Variants in ABL1 observed in about 807,000 individuals in gnomAD.
The protein encoded by ABL1 is ABL proto-oncogene 1, non-receptor tyrosine kinase, also known as tyrosine-protein kinase ABL1.
ABL1 carries 11 observed loss-of-function variants against 94.7 expected under a neutral mutation model. The ratio of observed to expected loss-of-function variants is 0.12; its 90% CI spans 0.07 to 0.19. The LOEUF is 0.19. Ranked by LOEUF, ABL1 falls within the 10% of genes least tolerant of loss-of-function variation. ABL1 has a pLI of 1.00. For missense variants in ABL1, 1,082 were observed against 1,489.4 expected (o/e 0.73, Z 4.50); for synonymous variants, 656 against 622.4 (o/e 1.05, Z -0.80).
chr9:130,758,315 C>A (rs973339354), intron 1 of ABL1, among the ~76,000 whole-genome samples: 3 of 151,894 alleles, frequency 2.0e-5, no homozygotes, highest in Admixed American at 1.3e-4. Context: ...CGTGTACTAC[C>A]ACGTCTGGCT....
rs1174120272 is a variant in ABL1 at position 130,863,529 on chromosome 9, C to T, written c.822+494C>T. Among the ~76,000 whole-genome samples, 2 of 152,230 alleles carry T rather than the reference C, an allele frequency of 1.3e-5. No homozygotes were observed. The highest frequency in any genetic ancestry group is 2.9e-5 in the Non-Finnish European group (2 of 68,046). ...TTCCAATTCTGCAGCTGCCCAGACTCCTGCAGGCAGAGGTGGAAGTGTCCC... is the reference window on the plus strand; with the variant it reads ...TTCCAATTCTGCAGCTGCCCAGACTTCTGCAGGCAGAGGTGGAAGTGTCCC... On this transcript the variant is annotated intron_variant, in intron 4 of 10. Transcript: ENST00000318560. This position sits in a 1 kb window ranked among gnomAD's most constrained non-coding sequence, Gnocchi z 4.3.
chr9:130,764,739 C>T (rs761219393), intron 1 of ABL1, among the ~76,000 whole-genome samples: 50 of 152,028 alleles, frequency 3.3e-4, no homozygotes, highest in Non-Finnish European at 5.9e-4. Flanking sequence ...AGGTGGATCA[C>T]GAGGTCAGGA....
intron 1 of ABL1, among the ~76,000 whole-genome samples, chr9:130,764,629 A>T (rs1381428219): frequency 6.6e-6 from 1 of 152,140 alleles, no homozygotes; most frequent in African/African-American, 2.4e-5. Context: ...GGTCCCTGAC[A>T]CCTTGGGCTT....
At chr9:130,734,565 A>G (rs538833850) in intron 1 of ABL1, among the ~76,000 whole-genome samples, 2 of 143,146 alleles carry the variant, frequency 1.4e-5, no homozygotes, top group Non-Finnish European at 3.0e-5. Context: ...TCCGTCACCC[A>G]GGCTGGAGTG....
chr9:130,851,766 C>CTTTTTTTTTTT (rs149948786), intron 1 of ABL1, among the ~76,000 whole-genome samples: 4 of 122,800 alleles, frequency 3.3e-5, no homozygotes, highest in Non-Finnish European at 3.4e-5. Context: ...CTCTCTTTTT[C>CTTTTTTTTTTT]TTTTTTTTTT....
At chr9:130,805,614 A>G (rs1173712334) in intron 1 of ABL1, among the ~76,000 whole-genome samples, 2 of 152,234 alleles carry the variant, frequency 1.3e-5, no homozygotes, top group East Asian at 3.9e-4. Flanking sequence ...AGTTGGCTTC[A>G]GAGAGATAGG....
In ABL1 at chr9:130,872,671, A is replaced by G. The variant is rs1831273631; in HGVS notation, c.908-189A>G. On this transcript the variant is annotated intron_variant, in intron 5 of 10. Coordinates refer to ENST00000318560, the MANE Select transcript of ABL1 (RefSeq NM_005157.6). The surrounding 1 kb of genome is among the most constrained non-coding windows in gnomAD (Gnocchi z 5.0). ...TCAAGTTCACTGGCTTGAGAAGAAG[A>G]AAAGAGCCTGGCCATGTCCCTCCCA... Among the ~76,000 whole-genome samples the G allele has an allele frequency of 6.6e-6, 1 of 152,198 alleles. No individual in the cohort carries two copies. The highest frequency in any genetic ancestry group is 2.1e-4 in the South Asian group (1 of 4,830).
Position 130,884,605 on chromosome 9 carries a change from C to T in ABL1, c.2315C>T (p.Ser772Phe). 1 of 1,613,360 alleles carries T rather than the reference C, an allele frequency of 6.2e-7. No individual in the cohort carries two copies. The highest frequency in any genetic ancestry group is 8.5e-7 in the Non-Finnish European group (1 of 1,180,008). Residue 772 changes from serine to phenylalanine, a missense_variant, in exon 11 of 11, where the codon TCT becomes TTT. Coordinates refer to ENST00000318560, the MANE Select transcript of ABL1 (RefSeq NM_005157.6). This position sits in a 1 kb window ranked among gnomAD's most constrained non-coding sequence, Gnocchi z 5.6. ...LPRKRAGENR[S>F]DQVTRGTVTP... is the part of the protein sequence containing the mutation. ...CGGAAGAGGGCAGGGGAGAACAGGT[C>T]TGACCAGGTGACCCGAGGCACAGTA...
chr9:130,760,285 A>C (rs548176922), intron 1 of ABL1, among the ~76,000 whole-genome samples: 1 of 152,108 alleles, frequency 6.6e-6, no homozygotes, highest in Non-Finnish European at 1.5e-5. Flanking sequence ...TCAGTCCTTT[A>C]GTGTAGGACT....
rs536169158 is a variant in ABL1, at chr9:130,885,101, G to A, written c.2811G>A (p.Leu937=). The change falls in exon 11 of 11, where the codon CTG becomes CTA. Residue 937 remains leucine (L), a synonymous_variant. Coordinates refer to ENST00000318560, the MANE Select transcript of ABL1 (RefSeq NM_005157.6). The part of the protein sequence containing the change: ...VLGAKTKATS[L]VDAVNSDAAK... ...GCGCAAAGACAAAAGCCACGAGTCT[G>A]GTTGATGCTGTGAACAGTGACGCTG... The A allele has an allele frequency of 3.1e-6, 5 of 1,611,528 alleles. No homozygotes were observed. Among genetic ancestry groups the A allele is most frequent in the Middle Eastern group, 1.7e-4 (1 of 6,056 alleles).
At chr9:130,830,885 G>A (rs559163986), upstream of ABL1, among the ~76,000 whole-genome samples, 1 of 152,124 alleles carries the variant, frequency 6.6e-6, no homozygotes, top group Non-Finnish European at 1.5e-5. Flanking sequence ...GAGACTCAGC[G>A]CTAGCCTTTG....
chr9:130,867,217 C>A (rs891365133), intron 4 of ABL1, among the ~76,000 whole-genome samples: 2 of 152,144 alleles, frequency 1.3e-5, no homozygotes, highest in African/African-American at 4.8e-5. Context: ...TTCCTGAGTC[C>A]GCATATGTGA....
chr9:130,742,478 C>T (rs1442249387), intron 1 of ABL1, among the ~76,000 whole-genome samples: 1 of 152,180 alleles, frequency 6.6e-6, no homozygotes, highest in Admixed American at 6.6e-5. Context: ...AATAACCCAT[C>T]TTAGCTAGAC....
exon 1 of ABL1, chr9:130,714,399 G>A (rs766734270): frequency 3.7e-6 from 6 of 1,614,126 alleles, no homozygotes; most frequent in Non-Finnish European, 5.1e-6. Context: ...AAAGGAGCAG[G>A]GAAGAAGGAA....
At chr9:130,849,639 T>A (rs772322647) in intron 1 of ABL1, among the ~76,000 whole-genome samples, 10 of 152,120 alleles carry the variant, frequency 6.6e-5, no homozygotes, top group Non-Finnish European at 1.3e-4. Flanking sequence ...CTGCCTCAAC[T>A]CCTTAGCAGC....
At chr9:130,874,169 C>T (rs527562230) in intron 6 of ABL1, among the ~76,000 whole-genome samples, 7 of 152,312 alleles carry the variant, frequency 4.6e-5, no homozygotes, top group East Asian at 1.9e-4. Flanking sequence ...CCTCTCATTC[C>T]GCTCTTCCCG....
At chr9:130,716,782 C>G (rs974903610) in intron 1 of ABL1, among the ~76,000 whole-genome samples, 16 of 151,738 alleles carry the variant, frequency 1.1e-4, no homozygotes, top group Non-Finnish European at 4.4e-5. Flanking sequence ...TAGAGTTTCG[C>G]TCTTGTCGCC....
rs56271006 is a variant in ABL1, at chr9:130,862,872, G to A, written c.659G>A (p.Arg220His). ...ACGCTCCATTATCCAGCCCCAAAGC[G>A]CAACAAGCCCACTGTCTATGGTGTG... Reference protein sequence around the residue: ...ITTLHYPAPKRNKPTVYGVSP... With the variant: ...ITTLHYPAPKHNKPTVYGVSP... Residue 220 changes from arginine to histidine, a missense_variant, in exon 4 of 11, where the codon CGC becomes CAC. Transcript: ENST00000318560. The surrounding 1 kb of genome is among the most constrained non-coding windows in gnomAD (Gnocchi z 5.5). 6.2e-7 allele frequency: 1 copy of A among 1,614,070 alleles called. No individual in the cohort carries two copies. The highest frequency in any genetic ancestry group is 8.5e-7 in the Non-Finnish European group (1 of 1,180,038).
intron 1 of ABL1, among the ~76,000 whole-genome samples, chr9:130,746,339 A>G (rs1237168666): frequency 6.6e-6 from 1 of 151,642 alleles, no homozygotes; most frequent in African/African-American, 2.4e-5. Context: ...TTTTCAATGT[A>G]TGGTTTTATG....
Sources: gnomAD v4.1 joint callset for allele counts (sites outside exome capture counted in the v4.1 genomes callset) on GRCh38, gnomAD v4.1.1 for gene constraint, Gnocchi (gnomAD v3.1) non-coding constraint, MANE v1.5 for transcripts, NCBI Gene and HGNC (gene_info 2026-07-23, HGNC 2026-07-21) for gene names.